The following PGAP6 variants were observed in gnomAD, a reference collection of about 807,000 sequenced individuals.
PGAP6 encodes the protein post-GPI attachment to proteins 6, also known as post-GPI attachment to proteins factor 6.
In PGAP6, 62 loss-of-function variants were observed where a neutral mutation model predicts 68.4. That is an observed-to-expected ratio of 0.91 (90% confidence interval 0.74 to 1.12). PGAP6 has a LOEUF of 1.12. Ranked by LOEUF, PGAP6 falls within the 50% of genes most tolerant of loss-of-function variation. The pLI is 0.00. For missense variants in PGAP6, 1,188 were observed against 1,068.5 expected (o/e 1.11, Z -1.56); for synonymous variants, 575 against 474.0 (o/e 1.21, Z -2.77).
In PGAP6 at chr16:372,117, A is replaced by G; in HGVS notation, c.2186T>C (p.Leu729Pro). 1.2e-6 allele frequency: 2 copies of G among 1,612,874 alleles called. No homozygotes were observed. ...YYTHSIWHIL[L>P]AGSAALLLPP... ...CAGCAGCAAGGCTGCGCTCCCGGCC[A>G]GCAGGATGTGCCAGATGCTGTGGGT... is the stretch of plus-strand genomic sequence containing the variant. Residue 729 changes from leucine to proline, a missense_variant, in exon 13 of 13, where the codon CTG becomes CCG. Leu to Pro is a moderately conservative substitution (Grantham distance 98, BLOSUM62 -3). Coordinates refer to ENST00000431232, the MANE Select transcript of PGAP6 (RefSeq NM_021259.3).
chr16:374,086 C>T lies in PGAP6; in HGVS notation c.1821G>A (p.Gln607=), dbSNP rs758091335. 9.3e-6 allele frequency: 15 copies of T among 1,612,074 alleles called. No individual in the cohort carries two copies. In the East Asian group the frequency reaches 2.0e-4, roughly 22 times the overall value. Residue 607 remains glutamine, a synonymous_variant, in exon 11 of 13, where the codon CAG becomes CAA. Transcript: ENST00000431232. ...CCCCGGAGCCCAAGAAGTCGCAGTACTGCAGCGTGTCGTAGCTGAGGATGC... is the reference window on the plus strand; with the variant it reads ...CCCCGGAGCCCAAGAAGTCGCAGTATTGCAGCGTGTCGTAGCTGAGGATGC... ...VLCILSYDTL[Q]YCDFLGSGAA...
chr16:376,479 G>A (rs1403611021), intron 5 of PGAP6, 24 bp from the exon 6 acceptor site: 3 of 1,547,262 alleles, frequency 1.9e-6, no homozygotes, highest in Non-Finnish European at 2.6e-6. Context: ...AAGGGGTTTG[G>A]CTGGAGGAAA....
chr16:374,488 T>TTC, intron 9 of PGAP6, 89 bp from the exon 10 acceptor site: 1 of 1,379,190 alleles, frequency 7.3e-7, no homozygotes. Flanking sequence ...GAGAAGCCCC[T>TTC]TCCTCACCCA....
At chr16:379,486 A>T (rs2054420642) in intron 1 of PGAP6, among the ~76,000 whole-genome samples, 1 of 152,208 alleles carries the variant, frequency 6.6e-6, no homozygotes, top group East Asian at 1.9e-4. Context: ...TGGCCTGATA[A>T]TGTGGGCAGA....
chr16:375,911 T>C (rs749264583), intron 6 of PGAP6, among the ~76,000 whole-genome samples: 9 of 152,110 alleles, frequency 5.9e-5, no homozygotes, highest in Non-Finnish European at 1.2e-4. Flanking sequence ...ACATCCTGCC[T>C]CCACCCCACC....
chr16:384,971 T>G (rs926239119), upstream of PGAP6, among the ~76,000 whole-genome samples: 2 of 151,936 alleles, frequency 1.3e-5, no homozygotes, highest in African/African-American at 2.4e-5. Context: ...AAGATCAGCC[T>G]GGCCAACATG....
At position 377,177 on chromosome 16, in the gene PGAP6, C is replaced by T; in HGVS notation, c.508-13G>A. ...TGGGAGCCAAGCCCTAGGGAAAGAA[C>T]AGGTGTGGGCGGGGGCGGTGTCAGA... On this transcript the variant is annotated splice_polypyrimidine_tract_variant and intron_variant, in intron 3 of 12. Coordinates refer to ENST00000431232, the MANE Select transcript of PGAP6 (RefSeq NM_021259.3). 6.2e-7 allele frequency: 1 copy of T among 1,612,978 alleles called. No homozygotes were observed. The highest frequency in any genetic ancestry group is 8.5e-7 in the Non-Finnish European group (1 of 1,179,992).
Position 374,363 on chromosome 16 carries a change from G to T in PGAP6, c.1613C>A (p.Ala538Asp). 6.3e-7 allele frequency: 1 copy of T among 1,597,838 alleles called. No homozygotes were observed. ...CGCCCTCTGCTGGGCCACCGTCTGG[G>T]CTGTGCTGTTGTCCGTGCAGCTCCA... is the stretch of plus-strand genomic sequence containing the variant. ...RGWSCTDNST[A>D]QTVAQQRAAT... The change falls in exon 10 of 13, where the codon GCC (alanine) becomes GAC (aspartate). Residue 538 changes from alanine (A) to aspartate (D), a missense_variant. Coordinates refer to ENST00000431232, the MANE Select transcript of PGAP6 (RefSeq NM_021259.3).
rs1056045918 is a variant in PGAP6, at chr16:376,319, G to T, written c.1041C>A (p.Ser347Arg). 5.6e-6 allele frequency: 9 copies of T among 1,612,556 alleles called. No individual in the cohort carries two copies. In the African/African-American group the frequency reaches 9.3e-5, roughly 17 times the overall value. ...DLGRSGRVDR[S>R]PFCLTNYPVT... is the part of the protein sequence containing the mutation. Reference sequence around the variant, plus strand: ...CTGGGTAGTTTGTGAGGCAGAAGGGGCTGCGGTCCACCCTGCCACTCCTGC... The same window carrying T: ...CTGGGTAGTTTGTGAGGCAGAAGGGTCTGCGGTCCACCCTGCCACTCCTGC... Residue 347 changes from serine (S) to arginine (R), a missense_variant, in exon 6 of 13, where the codon AGC becomes AGA. Transcript: ENST00000431232.
intron 6 of PGAP6, among the ~76,000 whole-genome samples, 168 bp from the exon 7 acceptor site, chr16:375,603 G>A (rs2054375607): frequency 6.6e-6 from 1 of 151,190 alleles, no homozygotes; most frequent in African/African-American, 2.4e-5. Flanking sequence ...CGCGATCTCG[G>A]CTCACTGCAA....
At chr16:381,013 G>A (rs764482927) in intron 1 of PGAP6, among the ~76,000 whole-genome samples, 2 of 152,214 alleles carry the variant, frequency 1.3e-5, no homozygotes, top group Non-Finnish European at 2.9e-5. Context: ...TCCCTACCCC[G>A]TGGAAGGGCT....
chr16:372,153 T>C lies in PGAP6; in HGVS notation c.2150A>G (p.Asn717Ser), dbSNP rs749187496. The C allele has an allele frequency of 1.1e-5, 18 of 1,612,746 alleles. No individual in the cohort carries two copies. The highest frequency in any genetic ancestry group is 1.5e-5 in the Non-Finnish European group (18 of 1,179,954). The change falls in exon 13 of 13, where the codon AAC becomes AGC. Residue 717 changes from asparagine to serine, a missense_variant. Asn to Ser is a conservative substitution (Grantham distance 46, BLOSUM62 1). Transcript: ENST00000431232. ...AIYTSMMTSDNYYYTHSIWHI... is the reference protein window; with the variant it reads ...AIYTSMMTSDSYYYTHSIWHI... The stretch of plus-strand genomic sequence containing the variant: ...CCAGATGCTGTGGGTGTAGTAGTAG[T>C]TGTCGCTAGTCATCATGGAGGTGTA...
chr16:376,319 G>C lies in PGAP6; in HGVS notation c.1041C>G (p.Ser347Arg). 2 of 1,612,678 alleles carry C rather than the reference G, an allele frequency of 1.2e-6. No homozygotes were observed. The highest frequency in any genetic ancestry group is 1.3e-5 in the African/African-American group (1 of 75,044). Residue 347 changes from serine to arginine, a missense_variant, in exon 6 of 13, where the codon AGC (serine) becomes AGG (arginine). Ser to Arg is a moderately radical substitution (Grantham distance 110). Transcript: ENST00000431232. ...CTGGGTAGTTTGTGAGGCAGAAGGG[G>C]CTGCGGTCCACCCTGCCACTCCTGC... is the stretch of plus-strand genomic sequence containing the variant. ...DLGRSGRVDR[S>R]PFCLTNYPVT...
chr16:374,284 G>C lies in PGAP6; in HGVS notation c.1692C>G (p.Val564=), dbSNP rs758069327. 6.2e-7 allele frequency: 1 copy of C among 1,607,150 alleles called. No individual in the cohort carries two copies. The highest frequency in any genetic ancestry group is 8.5e-7 in the Non-Finnish European group (1 of 1,179,686). Residue 564 remains valine, a synonymous_variant, in exon 10 of 13, where the codon GTC becomes GTG. Transcript: ENST00000431232. Reference sequence around the variant, plus strand: ...CCACCAGGAAGAATCGCCGCACTGAGACGGCGATGGGGGCCAGGAACATGA... The same window carrying C: ...CCACCAGGAAGAATCGCCGCACTGACACGGCGATGGGGGCCAGGAACATGA... The part of the protein sequence containing the change: ...SNLMFLAPIA[V]SVRRFFLVEA...
chr16:377,736 A>C lies in PGAP6; in HGVS notation c.234T>G (p.Leu78=), dbSNP rs1487472002. The C allele has an allele frequency of 6.3e-7, 1 of 1,597,718 alleles. No homozygotes were observed. The highest frequency in any genetic ancestry group is 8.5e-7 in the Non-Finnish European group (1 of 1,172,822). ...FRFRVPPDAV[L]LRWLLQVSRE... is the part of the protein sequence containing the mutation. ...GGGAGACCTGCAGGAGCCAGCGTAG[A>C]AGCACAGCATCTGGGGGCACGCGGA... Residue 78 remains leucine, a synonymous_variant, in exon 2 of 13, where the codon CTT becomes CTG. Coordinates refer to ENST00000431232, the MANE Select transcript of PGAP6 (RefSeq NM_021259.3).
chr16:378,577 G>A (rs934332965), intron 1 of PGAP6, among the ~76,000 whole-genome samples: 2 of 150,530 alleles, frequency 1.3e-5, no homozygotes, highest in Non-Finnish European at 3.0e-5. Context: ...CCAGGTCGAA[G>A]CCGAAGGACC....
In PGAP6 at chr16:377,871, G is replaced by C. The variant is rs1336007617; in HGVS notation, c.122-23C>G. On this transcript the variant is annotated intron_variant, in intron 1 of 12. Transcript: ENST00000431232. The stretch of plus-strand genomic sequence containing the variant: ...CCTCTGTGAGGAGAAGGAGGTGTCA[G>C]CCAGGCCGGGACCCTCCTCCAGGGC... The C allele has an allele frequency of 2.6e-6, 4 of 1,537,386 alleles. No individual in the cohort carries two copies. In the East Asian group the frequency reaches 9.8e-5, roughly 38 times the overall value.
chr16:378,817 A>G (rs1203819907), intron 1 of PGAP6, among the ~76,000 whole-genome samples: 1 of 152,220 alleles, frequency 6.6e-6, no homozygotes, highest in African/African-American at 2.4e-5. Context: ...GCCAGTCATG[A>G]GAACAAGGGG....
upstream of PGAP6, among the ~76,000 whole-genome samples, chr16:384,788 G>A (rs943730505): frequency 6.6e-6 from 1 of 151,692 alleles, no homozygotes; most frequent in Non-Finnish European, 1.5e-5. Flanking sequence ...CCCAGGAGGT[G>A]GAGGTTGCAG....
Sources: gnomAD v4.1 joint callset for allele counts (sites outside exome capture counted in the v4.1 genomes callset) on GRCh38, gnomAD v4.1.1 for gene constraint, MANE v1.5 for transcripts, NCBI Gene and HGNC (gene_info 2026-07-23, HGNC 2026-07-21) for gene names.